The following AGRN variants were observed in gnomAD, a reference collection of about 807,000 sequenced individuals.
AGRN encodes agrin proteoglycan.
AGRN carries 106 observed loss-of-function variants against 211.0 expected under a neutral mutation model. The observed-to-expected ratio is 0.50, with a 90% CI of 0.43 to 0.59. The LOEUF is 0.59. Among genes scored for constraint, AGRN ranks in the 20% least tolerant of loss-of-function variants. The pLI is 0.00. For missense variants in AGRN, 3,040 were observed against 2,982.6 expected (o/e 1.02, Z -0.45); for synonymous variants, 1,525 against 1,332.5 (o/e 1.14, Z -3.15).
chr1:1,054,798 G>A (rs1331700191), intron 35 of AGRN, 26 bp from the exon 36 acceptor site: 2 of 1,546,960 alleles, frequency 1.3e-6, no homozygotes, highest in East Asian at 2.4e-5. Context: ...GTCACAGCCG[G>A]GTGACTCCCA....
In AGRN at chr1:1,048,446, G is replaced by C; in HGVS notation, c.4105+81G>C. ...TGGGGGTGGGGCTAAGCCACCATCAGGCTTTGAGTTGGGGGCAGGAGCCCG... is the reference window on the plus strand; with the variant it reads ...TGGGGGTGGGGCTAAGCCACCATCACGCTTTGAGTTGGGGGCAGGAGCCCG... On this transcript the variant is annotated intron_variant, in intron 23 of 35. Coordinates refer to ENST00000379370, the MANE Select transcript of AGRN (RefSeq NM_198576.4). The surrounding 1 kb of genome is among the most constrained non-coding windows in gnomAD (Gnocchi z 5.9). 1 of 1,190,634 alleles carries C rather than the reference G, an allele frequency of 8.4e-7. No individual in the cohort carries two copies. Among genetic ancestry groups the C allele is most frequent in the Non-Finnish European group, 1.1e-6 (1 of 877,296 alleles). 73.8% of individuals were successfully genotyped at this position (1,190,634 alleles called of 1,614,324 possible). A position where few individuals can be genotyped will look rare whatever the true frequency, so the allele number is the denominator to read the frequency against.
In AGRN at chr1:1,051,247, C is replaced by T. The variant is rs757507663; in HGVS notation, c.5254-6C>T. On this transcript the variant is annotated splice_region_variant and splice_polypyrimidine_tract_variant and intron_variant, in intron 30 of 35. Transcript: ENST00000379370. ...CTGCACAGCCACTTACCTGGCGTCC[C>T]CGCAGGTTCCGCACACCGTCCTCAA... 1.3e-6 allele frequency: 2 copies of T among 1,580,752 alleles called. No individual in the cohort carries two copies. Among genetic ancestry groups the T allele is most frequent in the Non-Finnish European group, 1.7e-6 (2 of 1,164,656 alleles).
Position 1,022,317 on chromosome 1 carries a change from G to A in AGRN, c.318G>A (p.Gln106=). 4 of 1,613,390 alleles carry A rather than the reference G, an allele frequency of 2.5e-6. No homozygotes were observed. Among genetic ancestry groups the A allele is most frequent in the African/African-American group, 1.3e-5 (1 of 75,044 alleles). The change falls in exon 2 of 36, where the codon CAG becomes CAA. Residue 106 remains glutamine, a synonymous_variant. Coordinates refer to ENST00000379370, the MANE Select transcript of AGRN (RefSeq NM_198576.4). The part of the protein sequence containing the change: ...GFGDPLICDN[Q]VSTGDTRIFF... Reference sequence around the variant, plus strand: ...GAGACCCCCTCATCTGTGACAACCAGGTGTCCACTGGGGACACCAGGATCT... The same window carrying A: ...GAGACCCCCTCATCTGTGACAACCAAGTGTCCACTGGGGACACCAGGATCT...
intron 2 of AGRN, among the ~76,000 whole-genome samples, chr1:1,030,418 CGT>C (rs1224773193): frequency 2.3e-4 from 8 of 35,170 alleles, no homozygotes; most frequent in African/African-American, 3.8e-4. Flanking sequence ...GTGAGATCAG[CGT>C]GTGTGTGTGT....
chr1:1,053,552 G>A (rs2710871), intron 33 of AGRN: 5 of 1,525,264 alleles, frequency 3.3e-6, no homozygotes, highest in South Asian at 2.4e-5. Context: ...CCTCCCGCCC[G>A]TCTCTCTGAT....
rs1170138989 is a variant in AGRN, at chr1:1,051,541, G to A, written c.5459G>A (p.Arg1820Gln). The A allele has an allele frequency of 7.0e-6, 11 of 1,568,250 alleles. No individual in the cohort carries two copies. Among genetic ancestry groups the A allele is most frequent in the Admixed American group, 1.8e-5 (1 of 55,576 alleles). The change falls in exon 32 of 36, where the codon CGG becomes CAG. Residue 1820 changes from arginine to glutamine, a missense_variant. By Grantham distance (43) the Arg-to-Gln change is conservative (BLOSUM62 1). This residue lies in a region of AGRN where 1,537 missense variants were observed against 1,505.0 expected (regional missense o/e 1.02). Coordinates refer to ENST00000379370, the MANE Select transcript of AGRN (RefSeq NM_198576.4). ...TCCTTTGCAGGTCACCCCTGCACCC[G>A]GGCCTCAGGCCACCCCTGCCTCAAT... ...VTSFAGHPCTRASGHPCLNGA... is the reference protein window; with the variant it reads ...VTSFAGHPCTQASGHPCLNGA...
Position 1,053,982 on chromosome 1 carries a change from G to C in AGRN, c.5876+5G>C. ...GTTGCGGGTCGTGGCACATAGGTGAGTAGGGAACCCAGCGTGCCGAGAATA... is the reference window on the plus strand; with the variant it reads ...GTTGCGGGTCGTGGCACATAGGTGACTAGGGAACCCAGCGTGCCGAGAATA... On this transcript the variant is annotated splice_donor_5th_base_variant and intron_variant, in intron 34 of 35. Transcript: ENST00000379370. 1.3e-6 allele frequency: 2 copies of C among 1,593,948 alleles called. No individual in the cohort carries two copies. The highest frequency in any genetic ancestry group is 1.7e-6 in the Non-Finnish European group (2 of 1,171,128).
chr1:1,033,786 G>A (rs1644731457), intron 2 of AGRN, among the ~76,000 whole-genome samples: 1 of 108,042 alleles, frequency 9.3e-6, no homozygotes, highest in South Asian at 3.5e-4. Context: ...CCCAGCCCCA[G>A]CCCCAGCGCT....
chr1:1,042,210 C>G, intron 7 of AGRN, 48 bp downstream of exon 7: 1 of 1,547,430 alleles, frequency 6.5e-7, no homozygotes, highest in Non-Finnish European at 8.7e-7. Flanking sequence ...GCTCCTGCGT[C>G]AGTCCCTGCC....
chr1:1,056,032 G>A lies in AGRN; in HGVS notation c.*1051G>A, dbSNP rs920324544. On this transcript the variant is annotated 3_prime_UTR_variant, in exon 36 of 36. Coordinates refer to ENST00000379370, the MANE Select transcript of AGRN (RefSeq NM_198576.4). Reference sequence around the variant, plus strand: ...CTAGGAGCAGGACCCGATGAAGCGGGCGGCGGTGGGGCTGGGTGCCGTGTT... The same window carrying A: ...CTAGGAGCAGGACCCGATGAAGCGGACGGCGGTGGGGCTGGGTGCCGTGTT... 1 of 152,366 alleles carries A rather than the reference G, an allele frequency of 6.6e-6. No individual in the cohort carries two copies. Among genetic ancestry groups the A allele is most frequent in the Admixed American group, 6.5e-5 (1 of 15,292 alleles). 9.4% of individuals were successfully genotyped at this position (152,366 alleles called of 1,614,324 possible). A position where few individuals can be genotyped will look rare whatever the true frequency, so the allele number is the denominator to read the frequency against.
At chr1:1,034,801 G>A (rs983788757) in intron 2 of AGRN, 252 of 819,192 alleles carry the variant, frequency 3.1e-4, no homozygotes, top group Non-Finnish European at 3.6e-4. Context: ...CGGGGCTCCC[G>A]GCAGCTTCCC....
In AGRN at chr1:1,051,504, G is replaced by A. The variant is rs1356478300; in HGVS notation, c.5422G>A (p.Val1808Met). The A allele has an allele frequency of 3.2e-6, 5 of 1,568,756 alleles. No homozygotes were observed. The highest frequency in any genetic ancestry group is 4.6e-5 in the East Asian group (2 of 43,490). ...LLTPEHVLRQVDVTSFAGHPC... is the reference protein window; with the variant it reads ...LLTPEHVLRQMDVTSFAGHPC... ...GACCCCGGAGCACGTGCTGCGGCAG[G>A]TGGACGTCACGTCCTTTGCAGGTCA... Residue 1808 changes from valine to methionine, a missense_variant, in exon 32 of 36, where the codon GTG (valine) becomes ATG (methionine). Physicochemically the swap from Val to Met is conservative, Grantham distance 21 (BLOSUM62 1). Around this residue, in one of 3 missense-constraint regions of AGRN, gnomAD observed 1,537 missense variants for 1,505.0 expected, o/e 1.02. Coordinates refer to ENST00000379370, the MANE Select transcript of AGRN (RefSeq NM_198576.4).
chr1:1,044,375 G>A lies in AGRN; in HGVS notation c.2190G>A (p.Glu730=), dbSNP rs1303349768. 1.9e-6 allele frequency: 3 copies of A among 1,612,784 alleles called. No homozygotes were observed. In the Admixed American group the frequency reaches 5.0e-5, roughly 27 times the overall value. The change falls in exon 12 of 36, where the codon GAG becomes GAA. Residue 730 remains glutamate (E), a synonymous_variant. Coordinates refer to ENST00000379370, the MANE Select transcript of AGRN (RefSeq NM_198576.4). ...GGGTCACCTACAGCACCGAGTGTGAGCTGAAGAAGGCCAGGTGTGAGTCAC... is the reference window on the plus strand; with the variant it reads ...GGGTCACCTACAGCACCGAGTGTGAACTGAAGAAGGCCAGGTGTGAGTCAC... ...SDGVTYSTEC[E]LKKARCESQR...
chr1:1,054,075 GGACAC>G, intron 34 of AGRN, 98 bp downstream of exon 34: 1 of 1,328,454 alleles, frequency 7.5e-7, no homozygotes, highest in Non-Finnish European at 1.1e-6. Context: ...GGGTCAGGGA[GGACAC>G]GCCTTGCTGC....
intron 7 of AGRN, 92 bp downstream of exon 7, chr1:1,042,254 C>T (rs1644965558): frequency 2.1e-6 from 3 of 1,430,890 alleles, no homozygotes; most frequent in Non-Finnish European, 2.8e-6. Flanking sequence ...CCATCATGTT[C>T]CTCTTGGGGT....
At chr1:1,042,203 C>T (rs769408782) in intron 7 of AGRN, 41 bp downstream of exon 7, 4 of 1,562,420 alleles carry the variant, frequency 2.6e-6, no homozygotes, top group African/African-American at 2.7e-5. Flanking sequence ...GTGGGCTGCT[C>T]CTGCGTCAGT....
intron 3 of AGRN, among the ~76,000 whole-genome samples, chr1:1,039,826 G>A (rs1466263967): frequency 2.6e-5 from 4 of 152,112 alleles, no homozygotes; most frequent in African/African-American, 4.8e-5. Context: ...CCAGGGAGGA[G>A]GGGGCGTGTG....
chr1:1,052,528 T>C (rs961151542), intron 33 of AGRN: 27 of 235,914 alleles, frequency 1.1e-4, no homozygotes, highest in Admixed American at 6.3e-4. Flanking sequence ...TGTGTGTGTG[T>C]GCATATGGGT....
At position 1,020,153 on chromosome 1, in the gene AGRN, C is replaced by A; in HGVS notation, c.-20C>A. On this transcript the variant is annotated 5_prime_UTR_variant, in exon 1 of 36. Transcript: ENST00000379370. ...CCCCGGCGCGGCCCGCGCGCTCCTC[C>A]GCCGCCTCTCGCCTGCGCCATGGCC... is the stretch of plus-strand genomic sequence containing the variant. 1 of 1,269,488 alleles carries A rather than the reference C, an allele frequency of 7.9e-7. No homozygotes were observed. 78.6% of individuals were successfully genotyped at this position (1,269,488 alleles called of 1,614,324 possible).
Sources: allele counts gnomAD v4.1 joint callset (sites outside exome capture counted in the v4.1 genomes callset), GRCh38; gene constraint gnomAD v4.1.1; regional missense constraint gnomAD v4.1.1; non-coding constraint Gnocchi (gnomAD v3.1); transcripts MANE v1.5; gene names NCBI Gene and HGNC (gene_info 2026-07-23, HGNC 2026-07-21).